SPATA31D1: variants seen among roughly 807,000 people sequenced by gnomAD.
SPATA31D1 encodes the protein SPATA31 subfamily D member 1, also known as spermatogenesis-associated protein 31D1.
In SPATA31D1, 6 loss-of-function variants were observed where a neutral mutation model predicts 13.2. That is an observed-to-expected ratio of 0.46 (90% confidence interval 0.25 to 0.90). SPATA31D1 has a LOEUF of 0.90. Ranked by LOEUF, SPATA31D1 falls within the 40% of genes least tolerant of loss-of-function variation. SPATA31D1 has a pLI of 0.18. For missense variants in SPATA31D1, 2,445 were observed against 1,884.7 expected (o/e 1.30, Z -5.50); for synonymous variants, 903 against 718.8 (o/e 1.26, Z -4.10).
Position 81,992,573 on chromosome 9 carries a change from C to T in SPATA31D1, c.2103C>T (p.Gly701=). Residue 701 remains glycine (G), a synonymous_variant, in exon 4 of 4, where the codon GGC becomes GGT. Transcript: ENST00000344803. Reference sequence around the variant, plus strand: ...GGAGGCTCATCCAGCGCAGATGGGGCCTGCCCCGCAGAATCCATGAGTCTC... The same window carrying T: ...GGAGGCTCATCCAGCGCAGATGGGGTCTGCCCCGCAGAATCCATGAGTCTC... The part of the protein sequence containing the change: ...IRRRLIQRRW[G]LPRRIHESLS... The T allele has an allele frequency of 6.2e-7, 1 of 1,612,102 alleles. No individual in the cohort carries two copies. Among genetic ancestry groups the T allele is most frequent in the Non-Finnish European group, 8.5e-7 (1 of 1,179,720 alleles).
rs201356308 is a variant in SPATA31D1 at position 81,992,447 on chromosome 9, G to A, written c.1977G>A (p.Leu659=). 2 of 1,612,578 alleles carry A rather than the reference G, an allele frequency of 1.2e-6. No homozygotes were observed. The highest frequency in any genetic ancestry group is 2.2e-5 in the South Asian group (2 of 91,010). ...DFCPPAPNPE[L]VRKSFKVHVP... ...GTCCTCCAGCTCCCAATCCTGAATT[G>A]GTCAGAAAGTCCTTCAAGGTCCATG... is the stretch of plus-strand genomic sequence containing the variant. The change falls in exon 4 of 4, where the codon TTG becomes TTA. Residue 659 remains leucine, a synonymous_variant. Coordinates refer to ENST00000344803, the MANE Select transcript of SPATA31D1 (RefSeq NM_001001670.3).
chr9:81,991,728 A>C lies in SPATA31D1; in HGVS notation c.1258A>C (p.Lys420Gln). 6.2e-7 allele frequency: 1 copy of C among 1,613,546 alleles called. No individual in the cohort carries two copies. Among genetic ancestry groups the C allele is most frequent in the Non-Finnish European group, 8.5e-7 (1 of 1,179,526 alleles). Residue 420 changes from lysine to glutamine, a missense_variant, in exon 4 of 4, where the codon AAA becomes CAA. Coordinates refer to ENST00000344803, the MANE Select transcript of SPATA31D1 (RefSeq NM_001001670.3). ...DILALLERQV[K>Q]KRGDFLMWKE... ...TCTGGCACTCCTGGAGAGACAAGTCAAAAAAAGGGGTGATTTCCTGATGTG... is the reference window on the plus strand; with the variant it reads ...TCTGGCACTCCTGGAGAGACAAGTCCAAAAAAGGGGTGATTTCCTGATGTG...
Position 81,988,795 on chromosome 9 carries a change from T to C in SPATA31D1, c.-24T>C. On this transcript the variant is annotated 5_prime_UTR_variant, in exon 1 of 4. Transcript: ENST00000344803. The stretch of plus-strand genomic sequence containing the variant: ...TGGGCACCCTCAGTGCTCAGTTGCT[T>C]CAGGCAGCTGAGCTATTCAGACCAT... The C allele has an allele frequency of 6.2e-7, 1 of 1,612,066 alleles. No individual in the cohort carries two copies. Among genetic ancestry groups the C allele is most frequent in the Non-Finnish European group, 8.5e-7 (1 of 1,179,688 alleles).
chr9:81,994,940 A>G lies in SPATA31D1; in HGVS notation c.4470A>G (p.Arg1490=). ...GCCAGAATTATCCTACAAGGATTAG[A>G]CAGATCATAGACAAGGACAGACAGC... ...FVGQNYPTRI[R]QIIDKDRQPQ... is the part of the protein sequence containing the mutation. Residue 1490 remains arginine (R), a synonymous_variant, in exon 4 of 4, where the codon AGA becomes AGG. Transcript: ENST00000344803. 6.2e-7 allele frequency: 1 copy of G among 1,614,020 alleles called. No homozygotes were observed. Among genetic ancestry groups the G allele is most frequent in the Non-Finnish European group, 8.5e-7 (1 of 1,179,892 alleles).
In SPATA31D1 at chr9:81,992,925, G is replaced by A. The variant is rs750986595; in HGVS notation, c.2455G>A (p.Val819Met). 30 of 1,613,692 alleles carry A rather than the reference G, an allele frequency of 1.9e-5. No homozygotes were observed. The highest frequency in any genetic ancestry group is 6.7e-5 in the Admixed American group (4 of 59,996). The change falls in exon 4 of 4, where the codon GTG (valine) becomes ATG (methionine). Residue 819 changes from valine (V) to methionine (M), a missense_variant. Transcript: ENST00000344803. ...MMHLSGNDSGVRLGQKQLENA... is the reference protein window; with the variant it reads ...MMHLSGNDSGMRLGQKQLENA... Reference sequence around the variant, plus strand: ...GCATCTGTCAGGGAATGACTCAGGGGTGAGACTAGGTCAGAAACAACTTGA... The same window carrying A: ...GCATCTGTCAGGGAATGACTCAGGGATGAGACTAGGTCAGAAACAACTTGA...
intron 1 of SPATA31D1, among the ~76,000 whole-genome samples, 154 bp from the exon 2 acceptor site, chr9:81,989,624 C>T (rs1824912685): frequency 6.6e-6 from 1 of 152,070 alleles, no homozygotes; most frequent in Admixed American, 6.6e-5. Flanking sequence ...GCTATTTTAT[C>T]ACCATTAAAA....
At chr9:81,989,621 T>C (rs1472173112) in intron 1 of SPATA31D1, among the ~76,000 whole-genome samples, 157 bp from the exon 2 acceptor site, 2 of 152,204 alleles carry the variant, frequency 1.3e-5, no homozygotes. Context: ...GGAGCTATTT[T>C]ATCACCATTA....
In SPATA31D1 at chr9:81,994,911, G is replaced by A; in HGVS notation, c.4441G>A (p.Val1481Ile). The change falls in exon 4 of 4, where the codon GTT (valine) becomes ATT (isoleucine). Residue 1481 changes from valine (V) to isoleucine (I), a missense_variant. Physicochemically the swap from Val to Ile is conservative, Grantham distance 29. Transcript: ENST00000344803. ...ATCTTGCAGCCAACAAGCTATCTTT[G>A]TTGGCCAGAATTATCCTACAAGGAT... ...TKSCSQQAIF[V>I]GQNYPTRIRQ... 2.5e-6 allele frequency: 4 copies of A among 1,613,994 alleles called. No homozygotes were observed. The highest frequency in any genetic ancestry group is 3.4e-6 in the Non-Finnish European group (4 of 1,179,882).
In SPATA31D1 at chr9:81,991,178, C is replaced by A; in HGVS notation, c.708C>A (p.Asp236Glu). 1 of 1,613,894 alleles carries A rather than the reference C, an allele frequency of 6.2e-7. No individual in the cohort carries two copies. The highest frequency in any genetic ancestry group is 8.5e-7 in the Non-Finnish European group (1 of 1,179,812). ...VSPLDSKFPI[D>E]HSPPQQLPFP... ...CCTTGGATTCCAAGTTCCCCATAGA[C>A]CATTCCCCACCCCAACAGCTTCCCT... Residue 236 changes from aspartate (D) to glutamate (E), a missense_variant, in exon 4 of 4, where the codon GAC (aspartate) becomes GAA (glutamate). Physicochemically the swap from Asp to Glu is conservative, Grantham distance 45. Transcript: ENST00000344803.
In SPATA31D1 at chr9:81,992,024, T is replaced by G. The variant is rs372308977; in HGVS notation, c.1554T>G (p.Thr518=). 1.7e-4 allele frequency: 280 copies of G among 1,613,828 alleles called. No homozygotes were observed. In the African/African-American group the frequency reaches 3.5e-3, roughly 20 times the overall value. ...TGCACAGCGAGTCTCTGCATCCTAC[T>G]GTTCTTGTCCAACGTGGCCATTCCT... ...PSLHSESLHP[T]VLVQRGHSSM... Residue 518 remains threonine (T), a synonymous_variant, in exon 4 of 4, where the codon ACT becomes ACG. Transcript: ENST00000344803.
chr9:81,989,994 AGGCCCTGCTCTGCCC>A (rs1824919612), intron 2 of SPATA31D1, 171 bp downstream of exon 2: 1 of 722,652 alleles, frequency 1.4e-6, no homozygotes, highest in African/African-American at 1.8e-5. Context: ...CACTGCTCAG[AGGCCCTGCTCTGCCC>A]ATTTACGGGC....
Position 81,992,573 on chromosome 9 carries a change from C to A in SPATA31D1, c.2103C>A (p.Gly701=), listed in dbSNP as rs1169278778. The A allele has an allele frequency of 6.2e-7, 1 of 1,612,104 alleles. No individual in the cohort carries two copies. The highest frequency in any genetic ancestry group is 8.5e-7 in the Non-Finnish European group (1 of 1,179,722). The part of the protein sequence containing the change: ...IRRRLIQRRW[G]LPRRIHESLS... The stretch of plus-strand genomic sequence containing the variant: ...GGAGGCTCATCCAGCGCAGATGGGG[C>A]CTGCCCCGCAGAATCCATGAGTCTC... Residue 701 remains glycine (G), a synonymous_variant, in exon 4 of 4, where the codon GGC becomes GGA. Coordinates refer to ENST00000344803, the MANE Select transcript of SPATA31D1 (RefSeq NM_001001670.3).
Position 81,991,948 on chromosome 9 carries a change from A to G in SPATA31D1, c.1478A>G (p.Glu493Gly), listed in dbSNP as rs377105993. Residue 493 changes from glutamate to glycine, a missense_variant, in exon 4 of 4, where the codon GAA becomes GGA. Glu to Gly is a moderately conservative substitution (Grantham distance 98). Coordinates refer to ENST00000344803, the MANE Select transcript of SPATA31D1 (RefSeq NM_001001670.3). ...CAGCCTCCACACTCTAAATGCTTTGAAGACCATTTAGAGCAAAAATATGTC... is the reference window on the plus strand; with the variant it reads ...CAGCCTCCACACTCTAAATGCTTTGGAGACCATTTAGAGCAAAAATATGTC... The part of the protein sequence containing the change: ...HQQPPHSKCF[E>G]DHLEQKYVQL... 2.2e-5 allele frequency: 36 copies of G among 1,613,692 alleles called. No individual in the cohort carries two copies. In the African/African-American group the frequency reaches 4.0e-4, roughly 18 times the overall value.
Position 81,995,230 on chromosome 9 carries a change from C to T in SPATA31D1, c.*29C>T. On this transcript the variant is annotated 3_prime_UTR_variant, in exon 4 of 4. Transcript: ENST00000344803. ...ACTCCTTGTTGAGAATCTTGATTCT[C>T]CCCAATAAATGTTCCAATAAGAAGG... 1.4e-6 allele frequency: 2 copies of T among 1,471,186 alleles called. No individual in the cohort carries two copies. The highest frequency in any genetic ancestry group is 9.0e-7 in the Non-Finnish European group (1 of 1,108,704). The allele number at this position is 1,471,186 out of a possible 1,614,324, so 91.1% of individuals were successfully genotyped here.
At chr9:81,987,917 T>C (rs1391728311), upstream of SPATA31D1, among the ~76,000 whole-genome samples, 1 of 152,214 alleles carries the variant, frequency 6.6e-6, no homozygotes, top group Non-Finnish European at 1.5e-5. Flanking sequence ...CTGGCTGGCG[T>C]CACAGCCCAA....
At position 81,991,254 on chromosome 9, in the gene SPATA31D1, C is replaced by G. The variant is rs201322548; in HGVS notation, c.784C>G (p.Pro262Ala). The G allele has an allele frequency of 1.2e-6, 2 of 1,614,052 alleles. No homozygotes were observed. The highest frequency in any genetic ancestry group is 4.5e-5 in the East Asian group (2 of 44,878). ...TGAGAGAGTGGAGTCCAGCCTCCAA[C>G]CTGAAGCCAGTTTGTCTCTGAACAC... ...HIERVESSLQ[P>A]EASLSLNTIF... Residue 262 changes from proline (P) to alanine (A), a missense_variant, in exon 4 of 4, where the codon CCT becomes GCT. Pro to Ala is a conservative substitution (Grantham distance 27). Transcript: ENST00000344803.
At position 81,993,444 on chromosome 9, in the gene SPATA31D1, C is replaced by T; in HGVS notation, c.2974C>T (p.Pro992Ser). The change falls in exon 4 of 4, where the codon CCT (proline) becomes TCT (serine). Residue 992 changes from proline to serine, a missense_variant. Physicochemically the swap from Pro to Ser is moderately conservative, Grantham distance 74 (BLOSUM62 -1). Transcript: ENST00000344803. ...TGATCGTCCTCACCCTGTCTCCTCA[C>T]CTGTCGTCCAAGAAGGGCAGGGGAC... ...ILDRPHPVSSPVVQEGQGTLR... is the reference protein window; with the variant it reads ...ILDRPHPVSSSVVQEGQGTLR... 3 of 1,613,902 alleles carry T rather than the reference C, an allele frequency of 1.9e-6. No individual in the cohort carries two copies. Among genetic ancestry groups the T allele is most frequent in the South Asian group, 1.1e-5 (1 of 91,066 alleles).
Position 81,991,847 on chromosome 9 carries a change from T to TG in SPATA31D1, c.1378dup (p.Val460GlyfsTer2), listed in dbSNP as rs1564173944. 1 of 1,613,720 alleles carries TG rather than the reference T, an allele frequency of 6.2e-7. No homozygotes were observed. The highest frequency in any genetic ancestry group is 1.7e-5 in the Admixed American group (1 of 60,000). On this transcript the variant is annotated frameshift_variant, in exon 4 of 4. Coordinates refer to ENST00000344803, the MANE Select transcript of SPATA31D1 (RefSeq NM_001001670.3). LOFTEE classifies it low-confidence loss of function (END_TRUNC). ...CACGGAATATGTTAACCTCAATTGC[T>TG]GTTAAGCATGACTTGGCAGAATCCT...
Position 81,993,450 on chromosome 9 carries a change from G to A in SPATA31D1, c.2980G>A (p.Val994Ile), listed in dbSNP as rs370117363. 179 of 1,613,714 alleles carry A rather than the reference G, an allele frequency of 1.1e-4. No individual in the cohort carries two copies. Among genetic ancestry groups the A allele is most frequent in the Admixed American group, 7.3e-4 (44 of 59,998 alleles). The change falls in exon 4 of 4, where the codon GTC (valine) becomes ATC (isoleucine). Residue 994 changes from valine (V) to isoleucine (I), a missense_variant. Coordinates refer to ENST00000344803, the MANE Select transcript of SPATA31D1 (RefSeq NM_001001670.3). ...DRPHPVSSPVVQEGQGTLRRQ... is the reference protein window; with the variant it reads ...DRPHPVSSPVIQEGQGTLRRQ... ...TCCTCACCCTGTCTCCTCACCTGTC[G>A]TCCAAGAAGGGCAGGGGACCCTGAG...
Sources: gnomAD v4.1 joint callset for allele counts (sites outside exome capture counted in the v4.1 genomes callset) on GRCh38, gnomAD v4.1.1 for gene constraint, MANE v1.5 for transcripts, NCBI Gene and HGNC (gene_info 2026-07-23, HGNC 2026-07-21) for gene names.